PDS5B: variants seen among roughly 807,000 people sequenced by gnomAD.
PDS5B encodes the protein sister chromatid cohesion protein PDS5 homolog B.
Under a neutral mutation model 184.1 loss-of-function variants are expected in PDS5B, and 51 were observed. That is an observed-to-expected ratio of 0.28 (90% CI 0.22 to 0.35). The LOEUF (loss-of-function observed/expected upper bound fraction) is 0.35. PDS5B is among the 10% of genes least tolerant of loss of function. The pLI is 1.00. For synonymous variants in PDS5B, 566 were observed against 569.2 expected (o/e 0.99, Z 0.08); for missense variants, 1,180 against 1,723.3 (o/e 0.68, Z 5.58).
At chr13:32,747,010 A>G (rs1593589403) in intron 24 of PDS5B, among the ~76,000 whole-genome samples, 2 of 152,346 alleles carry the variant, frequency 1.3e-5, no homozygotes, top group African/African-American at 2.4e-5. Flanking sequence ...TAAAGACATG[A>G]CATAGAACTA....
chr13:32,614,546 C>G (rs1172535188), intron 1 of PDS5B, among the ~76,000 whole-genome samples: 5 of 152,146 alleles, frequency 3.3e-5, no homozygotes, highest in African/African-American at 4.8e-5. Context: ...GAGCTGCCCG[C>G]CTTGGCCTCC....
intron 30 of PDS5B, chr13:32,763,673 A>T (rs548947596): frequency 6.6e-6 from 1 of 152,288 alleles, no homozygotes; most frequent in South Asian, 2.1e-4. Flanking sequence ...AACTGGAGAG[A>T]TGGTGGTACC....
At chr13:32,767,920 T>C (rs1954635737) in intron 31 of PDS5B, among the ~76,000 whole-genome samples, 1 of 152,218 alleles carries the variant, frequency 6.6e-6, no homozygotes, top group South Asian at 2.1e-4. Flanking sequence ...CTTAGTAAAA[T>C]ATTGTGCTTC....
At position 32,753,235 on chromosome 13, in the gene PDS5B, A is replaced by G. The variant is rs1191289970; in HGVS notation, c.2737-97A>G. On this transcript the variant is annotated intron_variant, in intron 24 of 34. Coordinates refer to ENST00000315596, the MANE Select transcript of PDS5B (RefSeq NM_015032.4). ...AGCAATTATTGTAGATAAACTTGCT[A>G]CTGTTTACTCTTTACTTAAAATAGC... The G allele has an allele frequency of 3.2e-5, 28 of 869,012 alleles. No individual in the cohort carries two copies. The East Asian group carries it at 6.2e-4, about 19-fold the overall frequency. 53.8% of individuals were successfully genotyped at this position (869,012 alleles called of 1,614,324 possible).
intron 1 of PDS5B, among the ~76,000 whole-genome samples, chr13:32,597,603 G>C (rs1051463920): frequency 2.6e-5 from 4 of 151,950 alleles, no homozygotes; most frequent in Non-Finnish European, 4.4e-5. Context: ...AGGCCGAGGG[G>C]GGGGCGGCAG....
intron 19 of PDS5B, among the ~76,000 whole-genome samples, chr13:32,722,065 A>C (rs530081454): frequency 7.2e-5 from 11 of 152,234 alleles, no homozygotes; most frequent in Non-Finnish European, 8.8e-5. Flanking sequence ...AGCCTGGGCA[A>C]CATTGAGCAC....
intron 1 of PDS5B, among the ~76,000 whole-genome samples, chr13:32,610,588 TTAG>T (rs1471997440): frequency 1.3e-5 from 2 of 152,128 alleles, no homozygotes; most frequent in Non-Finnish European, 2.9e-5. Context: ...TGTGCCAATG[TTAG>T]TAGTAGATCC....
rs1390522154 is a variant in PDS5B, at chr13:32,773,249, T to C, written c.4233T>C (p.Asp1411=). Reference sequence around the variant, plus strand: ...AAAATGATTCAAGTGAAGAAGTAGATGTGTTTCAGGGTAGCTCTCCTGTCG... The same window carrying C: ...AAAATGATTCAAGTGAAGAAGTAGACGTGTTTCAGGGTAGCTCTCCTGTCG... ...TKENDSSEEV[D]VFQGSSPVDD... is the part of the protein sequence containing the mutation. The change falls in exon 34 of 35, where the codon GAT becomes GAC. Residue 1411 remains aspartate, a synonymous_variant. Transcript: ENST00000315596. 9 of 1,613,184 alleles carry C rather than the reference T, an allele frequency of 5.6e-6. No individual in the cohort carries two copies. Among genetic ancestry groups the C allele is most frequent in the Admixed American group, 1.7e-5 (1 of 59,924 alleles).
chr13:32,623,448 A>G (rs1264519595), intron 1 of PDS5B, among the ~76,000 whole-genome samples: 1 of 152,182 alleles, frequency 6.6e-6, no homozygotes, highest in Non-Finnish European at 1.5e-5. Flanking sequence ...TAGTCCCTCA[A>G]CAAGGAGGGG....
chr13:32,614,433 G>A (rs1248059391), intron 1 of PDS5B, among the ~76,000 whole-genome samples: 1 of 152,066 alleles, frequency 6.6e-6, no homozygotes, highest in Non-Finnish European at 1.5e-5. Context: ...GAGTAGCTGG[G>A]ATTATAGGCA....
At chr13:32,597,782 G>A (rs920908290) in intron 1 of PDS5B, among the ~76,000 whole-genome samples, 2 of 151,660 alleles carry the variant, frequency 1.3e-5, no homozygotes, top group African/African-American at 4.9e-5. Flanking sequence ...GGGAGGCAGA[G>A]GTTGCAGTGA....
At chr13:32,758,508 G>T (rs373966590) in intron 27 of PDS5B, 26 bp from the exon 28 acceptor site, 19 of 1,598,760 alleles carry the variant, frequency 1.2e-5, no homozygotes, top group Non-Finnish European at 1.5e-5. Context: ...TTAAGTATCT[G>T]TGTTTTTAAA....
At chr13:32,734,382 G>T (rs1003970096) in intron 20 of PDS5B, among the ~76,000 whole-genome samples, 1 of 152,058 alleles carries the variant, frequency 6.6e-6, no homozygotes, top group East Asian at 1.9e-4. Context: ...TGAAGAGCTT[G>T]TTCATTCTTT....
chr13:32,666,426 A>G (rs576363757), intron 6 of PDS5B, among the ~76,000 whole-genome samples: 41 of 152,252 alleles, frequency 2.7e-4, no homozygotes, highest in Admixed American at 2.5e-3. Flanking sequence ...GTTAACAATA[A>G]TTTATATTTC....
chr13:32,770,713 G>C lies in PDS5B; in HGVS notation c.4124G>C (p.Arg1375Pro), dbSNP rs746251315. ...ACACAGTCCACACCACAGAAAGGAC[G>C]AGGAAGACCATCAAAAACGCCATCA... ...ESTQSTPQKG[R>P]GRPSKTPSPS... The change falls in exon 33 of 35, where the codon CGA becomes CCA. Residue 1375 changes from arginine to proline, a missense_variant. By Grantham distance (103) the Arg-to-Pro change is moderately radical. Transcript: ENST00000315596. The C allele has an allele frequency of 1.2e-6, 2 of 1,610,540 alleles. No homozygotes were observed. Among genetic ancestry groups the C allele is most frequent in the East Asian group, 4.5e-5 (2 of 44,388 alleles).
At chr13:32,613,456 G>A (rs561007764) in intron 1 of PDS5B, among the ~76,000 whole-genome samples, 3 of 152,250 alleles carry the variant, frequency 2.0e-5, no homozygotes, top group African/African-American at 7.2e-5. Context: ...CTGGTATCAC[G>A]TTGTGGTTTT....
At chr13:32,591,895 A>G (rs1033306420) in intron 1 of PDS5B, among the ~76,000 whole-genome samples, 1 of 152,182 alleles carries the variant, frequency 6.6e-6, no homozygotes, top group African/African-American at 2.4e-5. Flanking sequence ...TTTGGGGCTC[A>G]TGGCACCTTG....
At chr13:32,697,114 A>C (rs187917248) in intron 15 of PDS5B, among the ~76,000 whole-genome samples, 73 of 152,272 alleles carry the variant, frequency 4.8e-4, no homozygotes, top group Admixed American at 2.1e-3. Context: ...ACTTATAAAA[A>C]CTGAATCTGT....
intron 30 of PDS5B, among the ~76,000 whole-genome samples, chr13:32,762,029 G>A (rs555521099): frequency 6.6e-6 from 1 of 152,234 alleles, no homozygotes; most frequent in South Asian, 2.1e-4. Flanking sequence ...TCTCGTTGTA[G>A]TTTTGATTTG....
Sources: gnomAD v4.1 joint callset for allele counts (sites outside exome capture counted in the v4.1 genomes callset) on GRCh38, gnomAD v4.1.1 for gene constraint, MANE v1.5 for transcripts, NCBI Gene and HGNC (gene_info 2026-07-23, HGNC 2026-07-21) for gene names.